The following ANKRD17 variants were observed in gnomAD, a reference collection of about 807,000 sequenced individuals.
ANKRD17 encodes the protein ankyrin repeat domain-containing protein 17.
ANKRD17 carries 19 observed loss-of-function variants against 229.7 expected under a neutral mutation model. The observed-to-expected ratio is 0.08, with a 90% CI of 0.06 to 0.12. The LOEUF is 0.12. Among genes scored for constraint, ANKRD17 ranks in the 10% least tolerant of loss-of-function variants. The probability of loss-of-function intolerance (pLI) is 1.00; values close to 1 mark genes in which losing one functional copy is unlikely to be tolerated. For missense variants in ANKRD17, 2,176 were observed against 3,176.8 expected (o/e 0.68, Z 7.57); for synonymous variants, 1,112 against 1,146.1 (o/e 0.97, Z 0.60).
chr4:73,088,888 T>C (rs1305027956), intron 29 of ANKRD17, among the ~76,000 whole-genome samples: 3 of 152,180 alleles, frequency 2.0e-5, no homozygotes, highest in African/African-American at 7.2e-5. Flanking sequence ...GCAGGTCACA[T>C]GGTCTCTGTC....
chr4:73,175,818 A>G (rs1048369582), intron 2 of ANKRD17, among the ~76,000 whole-genome samples: 5 of 152,184 alleles, frequency 3.3e-5, no homozygotes, highest in African/African-American at 7.2e-5. Flanking sequence ...AAATGGATTC[A>G]AGACTTAAAC....
At chr4:73,111,213 A>T (rs1043292332) in intron 24 of ANKRD17, among the ~76,000 whole-genome samples, 2 of 152,208 alleles carry the variant, frequency 1.3e-5, no homozygotes, top group African/African-American at 4.8e-5. Flanking sequence ...GGCACAATGA[A>T]AGATAAGCAA....
intron 2 of ANKRD17, among the ~76,000 whole-genome samples, chr4:73,174,407 C>T (rs558278452): frequency 6.6e-6 from 1 of 152,124 alleles, no homozygotes; most frequent in South Asian, 2.1e-4. Context: ...AAACCTTTAG[C>T]AAAACTGGCA....
At chr4:73,169,111 T>C (rs1733633617) in intron 2 of ANKRD17, 1 of 152,228 alleles carries the variant, frequency 6.6e-6, no homozygotes, top group Admixed American at 6.5e-5. Context: ...CATGATTTTA[T>C]TCTTTTTTAT....
chr4:73,160,801 G>A (rs946347153), intron 3 of ANKRD17, among the ~76,000 whole-genome samples: 5 of 152,092 alleles, frequency 3.3e-5, no homozygotes, highest in East Asian at 3.9e-4. Context: ...TCAGAACTAC[G>A]CAAATGAACT....
At position 73,091,747 on chromosome 4, in the gene ANKRD17, A is replaced by G. The variant is rs769309591; in HGVS notation, c.5881T>C (p.Ser1961Pro). ...GGGCTTGAAGTTAAAGAACCTGCTG[A>G]ATTCACCTGAGAACCACTGCTATTC... The part of the protein sequence containing the change: ...NQNSSGSQVN[S>P]AGSLTSSPTT... The change falls in exon 29 of 34, where the codon TCA becomes CCA. Residue 1961 changes from serine (S) to proline (P), a missense_variant. This residue lies in a region of ANKRD17 where 424 missense variants were observed against 454.0 expected (regional missense o/e 0.93). Coordinates refer to ENST00000358602, the MANE Select transcript of ANKRD17 (RefSeq NM_032217.5). The G allele has an allele frequency of 5.6e-6, 9 of 1,614,070 alleles. No homozygotes were observed. Among genetic ancestry groups the G allele is most frequent in the African/African-American group, 1.3e-5 (1 of 74,910 alleles).
intron 16 of ANKRD17, among the ~76,000 whole-genome samples, chr4:73,126,977 T>G (rs1280195217): frequency 6.6e-6 from 1 of 151,694 alleles, no homozygotes; most frequent in Non-Finnish European, 1.5e-5. Flanking sequence ...GAACTGAATT[T>G]TAAATTGTAT....
At chr4:73,123,929 G>A (rs896201946) in intron 18 of ANKRD17, among the ~76,000 whole-genome samples, 1 of 151,760 alleles carries the variant, frequency 6.6e-6, no homozygotes, top group Non-Finnish European at 1.5e-5. Flanking sequence ...AAACAGTCAC[G>A]ATGATGAAGG....
chr4:73,237,998 A>G (rs1743662934), intron 1 of ANKRD17, among the ~76,000 whole-genome samples: 1 of 152,124 alleles, frequency 6.6e-6, no homozygotes, highest in African/African-American at 2.4e-5. Flanking sequence ...ATGTACAATT[A>G]GAACTGAAAA....
intron 1 of ANKRD17, among the ~76,000 whole-genome samples, chr4:73,184,188 T>G (rs1735957070): frequency 6.6e-6 from 1 of 152,036 alleles, no homozygotes; most frequent in African/African-American, 2.4e-5. Context: ...AGAAGAATGG[T>G]TCGTTCTGTA....
chr4:73,113,287 A>G, intron 24 of ANKRD17: 1 of 1,289,316 alleles, frequency 7.8e-7, no homozygotes, highest in South Asian at 1.2e-5. Context: ...CCATGGGAAT[A>G]GATGGGAATG....
chr4:73,225,285 G>A (rs1281277243), intron 1 of ANKRD17, among the ~76,000 whole-genome samples: 1 of 152,098 alleles, frequency 6.6e-6, no homozygotes, highest in Non-Finnish European at 1.5e-5. Context: ...TTCAAGGAAC[G>A]TATGCTGGAA....
At chr4:73,093,853 A>G (rs1723032187) in intron 28 of ANKRD17, among the ~76,000 whole-genome samples, 1 of 152,250 alleles carries the variant, frequency 6.6e-6, no homozygotes, top group Non-Finnish European at 1.5e-5. Flanking sequence ...AACCTTTGCT[A>G]CACATGCATA....
In ANKRD17 at chr4:73,091,412, T is replaced by C. The variant is rs947756664; in HGVS notation, c.6216A>G (p.Ala2072=). ...TACCTGCTTCCTGTTCGGAGGAAGA[T>C]GCCACTTTATTTGGAGATGCTGATC... ...DCGSASPNKV[A]SSSEQEAGSP... is the part of the protein sequence containing the mutation. Residue 2072 remains alanine (A), a synonymous_variant, in exon 29 of 34, where the codon GCA becomes GCG. Coordinates refer to ENST00000358602, the MANE Select transcript of ANKRD17 (RefSeq NM_032217.5). 5.0e-6 allele frequency: 8 copies of C among 1,614,074 alleles called. No homozygotes were observed. The highest frequency in any genetic ancestry group is 1.6e-4 in the Middle Eastern group (1 of 6,084).
At chr4:73,171,507 C>T (rs1734040465) in intron 2 of ANKRD17, among the ~76,000 whole-genome samples, 1 of 152,186 alleles carries the variant, frequency 6.6e-6, no homozygotes, top group Non-Finnish European at 1.5e-5. Flanking sequence ...AATGCCCAGA[C>T]ACCAACAAAC....
chr4:73,123,805 A>T (rs1727074912), intron 18 of ANKRD17, among the ~76,000 whole-genome samples: 1 of 151,944 alleles, frequency 6.6e-6, no homozygotes, highest in Admixed American at 6.6e-5. Context: ...ACTGGGGGGA[A>T]GTGGGGGGAA....
intron 7 of ANKRD17, 42 bp downstream of exon 7, chr4:73,151,387 TG>T: frequency 6.4e-7 from 1 of 1,572,878 alleles, no homozygotes; most frequent in Non-Finnish European, 8.7e-7. Context: ...TGTCTCTCCC[TG>T]GTTAATATAT....
At chr4:73,084,481 C>T (rs1411735458) in intron 30 of ANKRD17, among the ~76,000 whole-genome samples, 3 of 141,146 alleles carry the variant, frequency 2.1e-5, no homozygotes, top group Non-Finnish European at 4.5e-5. Context: ...TGAAGTCTTG[C>T]TCTGTTGCCC....
At chr4:73,199,462 T>C (rs546366816) in intron 1 of ANKRD17, among the ~76,000 whole-genome samples, 3 of 152,266 alleles carry the variant, frequency 2.0e-5, no homozygotes, top group East Asian at 3.9e-4. Context: ...CTTCTCTCAA[T>C]TGCCTTCAAA....
Sources: allele counts gnomAD v4.1 joint callset (sites outside exome capture counted in the v4.1 genomes callset), GRCh38; gene constraint gnomAD v4.1.1; regional missense constraint gnomAD v4.1.1; transcripts MANE v1.5; gene names NCBI Gene and HGNC (gene_info 2026-07-23, HGNC 2026-07-21).